The following DSP variants were observed in gnomAD, a reference collection of about 807,000 sequenced individuals.
DSP encodes the protein 250/210 kDa paraneoplastic pemphigus antigen.
Under a neutral mutation model 290.6 loss-of-function variants are expected in DSP, and 114 were observed. That is an observed-to-expected ratio of 0.39 (90% CI 0.34 to 0.46). DSP has a LOEUF of 0.46. Ranked by LOEUF, DSP falls within the 20% of genes least tolerant of loss-of-function variation. The probability of loss-of-function intolerance (pLI) is 0.99; values close to 1 mark genes in which losing one functional copy is unlikely to be tolerated. For synonymous variants in DSP, 1,311 were observed against 1,316.4 expected (o/e 1.00, Z 0.09); for missense variants, 3,230 against 3,495.8 (o/e 0.92, Z 1.92).
intron 1 of DSP, among the ~76,000 whole-genome samples, chr6:7,548,139 C>A (rs759569713): frequency 6.6e-6 from 1 of 152,022 alleles, no homozygotes; most frequent in African/African-American, 2.4e-5. Flanking sequence ...TGGTGGCGGG[C>A]TCCTGTAGTC....
chr6:7,567,980 G>T, intron 10 of DSP, 74 bp downstream of exon 10: 6 of 1,592,240 alleles, frequency 3.8e-6, no homozygotes, highest in Non-Finnish European at 5.1e-6. Context: ...GGATGCAGTT[G>T]GCTCTGATTA....
Position 7,541,790 on chromosome 6 carries a change from C to T in DSP, c.-126C>T, listed in dbSNP as rs1757979937. 3.9e-6 allele frequency: 5 copies of T among 1,271,960 alleles called. No homozygotes were observed. In the East Asian group the frequency reaches 8.2e-5, roughly 21 times the overall value. 78.8% of individuals were successfully genotyped at this position (1,271,960 alleles called of 1,614,324 possible). A position where few individuals can be genotyped will look rare whatever the true frequency, so the allele number is the denominator to read the frequency against. On this transcript the variant is annotated 5_prime_UTR_variant, in exon 1 of 24. Transcript: ENST00000379802. ...GCCCAGGTAGCGAGCAGCGACCTCG[C>T]GAGCCTTCCGCACTCCCGCCCGGTT... is the stretch of plus-strand genomic sequence containing the variant.
At chr6:7,552,657 CTGT>C (rs756883711) in intron 1 of DSP, among the ~76,000 whole-genome samples, 394 of 100,838 alleles carry the variant, frequency 3.9e-3, no homozygotes, top group African/African-American at 0.017. Context: ...ATAAAGTTAC[CTGT>C]TGTTTTTTTT....
rs1759050023 is a variant in DSP at position 7,571,483 on chromosome 6, G to A, written c.1802G>A (p.Gly601Glu). Reference sequence around the variant, plus strand: ...AATAGCCAAGGCTCAGAGATGTTTGGAGATGATGACAAGCGGAAAATACAG... The same window carrying A: ...AATAGCCAAGGCTCAGAGATGTTTGAAGATGATGACAAGCGGAAAATACAG... ...IRNSQGSEMF[G>E]DDDKRKIQSQ... Residue 601 changes from glycine (G) to glutamate (E), a missense_variant, in exon 14 of 24, where the codon GGA (glycine) becomes GAA (glutamate). Physicochemically the swap from Gly to Glu is moderately conservative, Grantham distance 98. Coordinates refer to ENST00000379802, the MANE Select transcript of DSP (RefSeq NM_004415.4). 6.2e-7 allele frequency: 1 copy of A among 1,614,060 alleles called. No individual in the cohort carries two copies.
intron 1 of DSP, among the ~76,000 whole-genome samples, chr6:7,547,527 A>C (rs1471099462): frequency 2.0e-5 from 3 of 152,086 alleles, no homozygotes; most frequent in Admixed American, 6.5e-5. Flanking sequence ...ACTCAGGCTT[A>C]AGTGACTCTC....
rs2113692799 is a variant in DSP at position 7,580,036 on chromosome 6, T to C, written c.3846T>C (p.Ser1282=). 8.1e-6 allele frequency: 13 copies of C among 1,614,078 alleles called. No homozygotes were observed. The highest frequency in any genetic ancestry group is 1.0e-5 in the Non-Finnish European group (12 of 1,180,008). Residue 1282 remains serine (S), a synonymous_variant, in exon 23 of 24, where the codon TCT becomes TCC. Coordinates refer to ENST00000379802, the MANE Select transcript of DSP (RefSeq NM_004415.4). This position sits in a 1 kb window ranked among gnomAD's most constrained non-coding sequence, Gnocchi z 4.2. ...CCCTTCAGCAAAAGGCCTGTGGCTC[T>C]GAGATAATGCAGAAGAAGCAGCATC... ...ENALQQKACG[S]EIMQKKQHLE... is the part of the protein sequence containing the mutation.
chr6:7,579,560 A>C lies in DSP; in HGVS notation c.3370A>C (p.Arg1124=). ...LTYEIEDEKR[R]RKSVEDRFDQ... ...TTATGAGATTGAAGATGAAAAGAGA[A>C]GAAGAAAATCTGTGGAAGACAGATT... The change falls in exon 23 of 24, where the codon AGA becomes CGA. Residue 1124 remains arginine, a synonymous_variant. Coordinates refer to ENST00000379802, the MANE Select transcript of DSP (RefSeq NM_004415.4). This position sits in a 1 kb window ranked among gnomAD's most constrained non-coding sequence, Gnocchi z 4.1. 1 of 1,613,954 alleles carries C rather than the reference A, an allele frequency of 6.2e-7. No homozygotes were observed. The highest frequency in any genetic ancestry group is 8.5e-7 in the Non-Finnish European group (1 of 1,180,026).
intron 4 of DSP, among the ~76,000 whole-genome samples, chr6:7,562,099 C>T (rs946725192): frequency 1.8e-4 from 28 of 152,152 alleles, no homozygotes; most frequent in African/African-American, 6.5e-4. Flanking sequence ...TGAAGTGGCC[C>T]ATAGGGAGTT....
At chr6:7,558,366 A>T in intron 3 of DSP, 102 bp downstream of exon 3, 2 of 1,490,502 alleles carry the variant, frequency 1.3e-6, no homozygotes, top group South Asian at 2.4e-5. Context: ...TGAAGGCAGC[A>T]CAAATGTTCC....
intron 1 of DSP, among the ~76,000 whole-genome samples, chr6:7,544,320 G>A (rs1212835242): frequency 1.3e-5 from 2 of 152,234 alleles, no homozygotes; most frequent in Non-Finnish European, 2.9e-5. Context: ...CTGGTTTTGT[G>A]TGGAGGGATA....
intron 5 of DSP, 50 bp downstream of exon 5, chr6:7,562,830 TCGTGTAATTA>T (rs777967958): frequency 2.4e-5 from 39 of 1,611,922 alleles, no homozygotes; most frequent in Non-Finnish European, 3.1e-5. Context: ...TACCGAAGGA[TCGTGTAATTA>T]CTCAATCCCA....
rs1581801435 is a variant in DSP, at chr6:7,567,443, C to T, written c.1134C>T (p.Tyr378=). ...TTCATCTGAAAGAAAATGCTGCCTA[C>T]TTTCAGGTTTTTATATTTAGTGATA... is the stretch of plus-strand genomic sequence containing the variant. ...IDVHLKENAA[Y]FQFFEEAQST... is the part of the protein sequence containing the mutation. The change falls in exon 9 of 24, where the codon TAC becomes TAT. Residue 378 remains tyrosine (Y), a synonymous_variant. Coordinates refer to ENST00000379802, the MANE Select transcript of DSP (RefSeq NM_004415.4). 1 of 1,613,468 alleles carries T rather than the reference C, an allele frequency of 6.2e-7. No homozygotes were observed. Among genetic ancestry groups the T allele is most frequent in the East Asian group, 2.2e-5 (1 of 44,866 alleles).
chr6:7,583,309 G>A lies in DSP; in HGVS notation c.6047G>A (p.Gly2016Glu), dbSNP rs771165835. The A allele has an allele frequency of 1.2e-6, 2 of 1,614,074 alleles. No homozygotes were observed. The highest frequency in any genetic ancestry group is 1.7e-6 in the Non-Finnish European group (2 of 1,180,042). ...ATCCAGCCATTCCTTCGGGGTGCAG[G>A]ATCTATCGCTGGAGCATCTGCTTCT... ...SEIQPFLRGA[G>E]SIAGASASPK... The change falls in exon 24 of 24, where the codon GGA (glycine) becomes GAA (glutamate). Residue 2016 changes from glycine to glutamate, a missense_variant. Around this residue, in one of 5 missense-constraint regions of DSP, gnomAD observed 1,714 missense variants for 1,844.5 expected, o/e 0.93. Coordinates refer to ENST00000379802, the MANE Select transcript of DSP (RefSeq NM_004415.4). The surrounding 1 kb of genome is among the most constrained non-coding windows in gnomAD (Gnocchi z 4.0).
chr6:7,567,864 C>T lies in DSP; in HGVS notation c.1224C>T (p.Asn408=). ...SIRKKYPCDK[N]MPLQHLLEQI... The stretch of plus-strand genomic sequence containing the variant: ...GGAAGAAGTACCCCTGCGACAAGAA[C>T]ATGCCCCTGCAGCACCTGCTGGAAC... Residue 408 remains asparagine (N), a synonymous_variant, in exon 10 of 24, where the codon AAC becomes AAT. Coordinates refer to ENST00000379802, the MANE Select transcript of DSP (RefSeq NM_004415.4). 1 of 1,614,122 alleles carries T rather than the reference C, an allele frequency of 6.2e-7. No individual in the cohort carries two copies. The highest frequency in any genetic ancestry group is 8.5e-7 in the Non-Finnish European group (1 of 1,179,996).
intron 23 of DSP, 62 bp downstream of exon 23, chr6:7,581,631 T>C: frequency 6.3e-7 from 1 of 1,598,112 alleles, no homozygotes; most frequent in African/African-American, 1.3e-5. Flanking sequence ...CATTATTATC[T>C]CATCTGAACT....
At chr6:7,567,628 G>C (rs557588638) in intron 9 of DSP, among the ~76,000 whole-genome samples, 153 bp from the exon 10 acceptor site, 2 of 152,042 alleles carry the variant, frequency 1.3e-5, no homozygotes, top group Non-Finnish European at 2.9e-5. Context: ...ATAGTTTCCC[G>C]CTGCCACATA....
At chr6:7,549,598 C>T (rs182689172) in intron 1 of DSP, among the ~76,000 whole-genome samples, 5 of 152,278 alleles carry the variant, frequency 3.3e-5, no homozygotes, top group South Asian at 4.1e-4. Flanking sequence ...ATAGGCCTCA[C>T]GGTCAATATT....
In DSP at chr6:7,559,301, C is replaced by T. The variant is rs372869942; in HGVS notation, c.498C>T (p.Ser166=). ...ISVPRVRRAS[S]KGGGGYTCQS... Reference sequence around the variant, plus strand: ...TCCCTCGAGTCCGCAGGGCCAGCTCCAAGGGTGGTGGAGGCTACACTTGTC... The same window carrying T: ...TCCCTCGAGTCCGCAGGGCCAGCTCTAAGGGTGGTGGAGGCTACACTTGTC... Residue 166 remains serine (S), a synonymous_variant, in exon 4 of 24, where the codon TCC becomes TCT. Transcript: ENST00000379802. 3 of 1,613,848 alleles carry T rather than the reference C, an allele frequency of 1.9e-6. No individual in the cohort carries two copies. The highest frequency in any genetic ancestry group is 2.5e-6 in the Non-Finnish European group (3 of 1,180,046).
Position 7,581,069 on chromosome 6 carries a change from AAGAGG to A in DSP, c.4882_4886del (p.Arg1628Ter). Reference sequence around the variant, plus strand: ...GCTGGAGCAGGCATCCATTGTTAAGAAGAGGAGTGAGGATGACCTCCGGCAGCAGA... The same window carrying A: ...GCTGGAGCAGGCATCCATTGTTAAGAAGTGAGGATGACCTCCGGCAGCAGA... On this transcript the variant is annotated frameshift_variant, in exon 23 of 24. Coordinates refer to ENST00000379802, the MANE Select transcript of DSP (RefSeq NM_004415.4). LOFTEE classifies it high-confidence loss of function. 2 of 1,614,056 alleles carry A rather than the reference AAGAGG, an allele frequency of 1.2e-6. No homozygotes were observed. Among genetic ancestry groups the A allele is most frequent in the Non-Finnish European group, 1.7e-6 (2 of 1,180,022 alleles).
Sources: gnomAD v4.1 joint callset for allele counts (sites outside exome capture counted in the v4.1 genomes callset) on GRCh38, gnomAD v4.1.1 for gene constraint, gnomAD v4.1.1 regional missense constraint, Gnocchi (gnomAD v3.1) non-coding constraint, MANE v1.5 for transcripts, NCBI Gene and HGNC (gene_info 2026-07-23, HGNC 2026-07-21) for gene names.